DMD: variants seen among roughly 807,000 people sequenced by gnomAD.
The protein encoded by DMD is dystrophin.
Under a neutral mutation model 330.1 loss-of-function variants are expected in DMD, and 63 were observed. That is an observed-to-expected ratio of 0.19 (90% CI 0.16 to 0.24). DMD has a LOEUF of 0.24. Ranked by LOEUF, DMD falls within the 10% of genes least tolerant of loss-of-function variation. DMD has a pLI of 1.00. For missense variants in DMD, 3,344 were observed against 2,684.1 expected, an observed-to-expected ratio of 1.25 and a Z score of -5.43; for synonymous variants, 1,223 against 959.8, an observed-to-expected ratio of 1.27 and a Z score of -5.07.
Position 32,390,180 on chromosome X carries a change from T to A in DMD, c.4235A>T (p.Lys1412Ile). The A allele has an allele frequency of 8.5e-7, 1 of 1,176,904 alleles. No individual in the cohort carries two copies. Among genetic ancestry groups the A allele is most frequent in the Non-Finnish European group, 1.2e-6 (1 of 863,985 alleles). The change falls in exon 31 of 79, where the codon AAA (lysine) becomes ATA (isoleucine). Residue 1412 changes from lysine to isoleucine, a missense_variant and splice_region_variant. Lys to Ile is a moderately radical substitution (Grantham distance 102). Coordinates refer to ENST00000357033, the MANE Select transcript of DMD (RefSeq NM_004006.3). The part of the protein sequence containing the change: ...DAAQMPQEAQ[K>I]IQSDLTSHEI... ...ATGACTTGTCAAATCAGATTGGATTTTCTGTTGGGAGGATAGCATTATTAG... is the reference window on the plus strand; with the variant it reads ...ATGACTTGTCAAATCAGATTGGATTATCTGTTGGGAGGATAGCATTATTAG...
At chrX:31,288,339 G>A (rs1333679725) in intron 62 of DMD, among the ~76,000 whole-genome samples, 2 of 111,893 alleles carry the variant, frequency 1.8e-5, no homozygotes, top group Non-Finnish European at 3.8e-5. Context: ...CACCAGTTAA[G>A]TCTGTGGGAA....
At chrX:31,729,788 C>T (rs765117527) in intron 51 of DMD, 40 bp from the exon 52 acceptor site, 1 of 1,035,390 alleles carries the variant, frequency 9.7e-7, no homozygotes, top group East Asian at 3.0e-5. Context: ...GGTTCTTCAG[C>T]GTTGTGTATT....
At chrX:31,388,135 G>A (rs1438414898) in intron 60 of DMD, among the ~76,000 whole-genome samples, 1 of 108,677 alleles carries the variant, frequency 9.2e-6, no homozygotes, top group African/African-American at 3.4e-5. Context: ...GAGTAGCTGG[G>A]ACTACAGGTG....
At chrX:32,912,684 C>T (rs778944490) in intron 2 of DMD, among the ~76,000 whole-genome samples, 91 of 111,389 alleles carry the variant, frequency 8.2e-4, no homozygotes, top group Middle Eastern at 4.7e-3. Flanking sequence ...TCCAACTATA[C>T]GAAGTTCAAA....
intron 2 of DMD, among the ~76,000 whole-genome samples, chrX:32,857,777 T>C (rs778183214): frequency 2.7e-5 from 3 of 111,575 alleles, no homozygotes; most frequent in Non-Finnish European, 5.6e-5. Context: ...CAGGATCATA[T>C]AGCATCCAAG....
chrX:31,672,245 T>C (rs2081846398), intron 53 of DMD, among the ~76,000 whole-genome samples: 1 of 112,321 alleles, frequency 8.9e-6, no homozygotes. Flanking sequence ...TTGTACTCCA[T>C]TATGGTCATA....
chrX:32,816,636 T>C lies in DMD; in HGVS notation c.362A>G (p.Lys121Arg), dbSNP rs1438385000. 1 of 1,210,885 alleles carries C rather than the reference T, an allele frequency of 8.3e-7. No homozygotes were observed. Among genetic ancestry groups the C allele is most frequent in the Admixed American group, 2.2e-5 (1 of 46,018 alleles). Residue 121 changes from lysine (K) to arginine (R), a missense_variant, in exon 6 of 79, where the codon AAA becomes AGA. By Grantham distance (26) the Lys-to-Arg change is conservative (BLOSUM62 2). Coordinates refer to ENST00000357033, the MANE Select transcript of DMD (RefSeq NM_004006.3). ...IWNIILHWQV[K>R]NVMKNIMAGL... ...AGCCATGATATTTTTCATTACATTT[T>C]TGACCTACATGTGGAAATAAATTTT...
At chrX:31,228,267 TA>T (rs1367757647) in intron 63 of DMD, among the ~76,000 whole-genome samples, 8 of 39,583 alleles carry the variant, frequency 2.0e-4, no homozygotes, top group African/African-American at 1.3e-3. Flanking sequence ...AAAAAAAAAA[TA>T]AAAAAATAAA....
At chrX:32,210,008 G>C (rs988263956) in intron 44 of DMD, among the ~76,000 whole-genome samples, 10 of 111,628 alleles carry the variant, frequency 9.0e-5, no homozygotes, top group Non-Finnish European at 1.7e-4. Flanking sequence ...CTTCTGAAAA[G>C]ATGGATAGGG....
chrX:33,101,313 T>C (rs763251612), intron 1 of DMD, among the ~76,000 whole-genome samples: 4 of 112,160 alleles, frequency 3.6e-5, no homozygotes, highest in East Asian at 5.6e-4. Flanking sequence ...CTATTATCTA[T>C]ATTGATGAAT....
At chrX:31,565,174 A>G (rs769581881) in intron 55 of DMD, among the ~76,000 whole-genome samples, 13 of 111,908 alleles carry the variant, frequency 1.2e-4, no homozygotes, top group South Asian at 3.8e-4. Context: ...TTGCAAAAAT[A>G]TAGTACAATA....
At chrX:32,522,675 C>A (rs1157680057) in intron 17 of DMD, among the ~76,000 whole-genome samples, 1 of 112,193 alleles carries the variant, frequency 8.9e-6, no homozygotes. Context: ...GTATATTCTA[C>A]TTTGTCTTTT....
At chrX:32,585,486 G>A (rs924271357) in intron 13 of DMD, among the ~76,000 whole-genome samples, 1 of 109,336 alleles carries the variant, frequency 9.1e-6, no homozygotes, top group Non-Finnish European at 1.9e-5. Context: ...CGGATCACGA[G>A]GTCAGGAGAT....
upstream of DMD, among the ~76,000 whole-genome samples, chrX:33,212,045 A>G (rs2051939591): frequency 8.9e-6 from 1 of 112,287 alleles, no homozygotes. Flanking sequence ...TGATGATGCC[A>G]ACAGTCTGAA....
At chrX:32,406,624 GC>G (rs1312755415) in intron 30 of DMD, among the ~76,000 whole-genome samples, 1 of 111,113 alleles carries the variant, frequency 9.0e-6, no homozygotes, top group Non-Finnish European at 1.9e-5. Context: ...TGGTGCATAA[GC>G]TTTTTGATGT....
intron 9 of DMD, among the ~76,000 whole-genome samples, chrX:32,690,607 C>A (rs2063207502): frequency 9.0e-6 from 1 of 110,854 alleles, no homozygotes; most frequent in South Asian, 3.7e-4. Flanking sequence ...TACTAAACTA[C>A]AGTAATTAAA....
At chrX:31,312,067 C>T (rs776127666) in intron 62 of DMD, among the ~76,000 whole-genome samples, 7 of 112,214 alleles carry the variant, frequency 6.2e-5, no homozygotes, top group African/African-American at 1.6e-4. Flanking sequence ...ATGACAAAAA[C>T]GCCAAAAGCA....
intron 1 of DMD, among the ~76,000 whole-genome samples, chrX:33,054,256 G>A (rs904915185): frequency 4.5e-5 from 5 of 111,661 alleles, no homozygotes; most frequent in Non-Finnish European, 7.5e-5. Flanking sequence ...GGTTTATTAC[G>A]AATGTTTCTA....
intron 16 of DMD, among the ~76,000 whole-genome samples, chrX:32,552,262 A>T (rs1265354180): frequency 1.8e-5 from 2 of 111,787 alleles, no homozygotes; most frequent in Non-Finnish European, 3.8e-5. Flanking sequence ...GCATGGTACA[A>T]AAAACAGACA....
Sources: allele counts gnomAD v4.1 joint callset (sites outside exome capture counted in the v4.1 genomes callset), GRCh38; gene constraint gnomAD v4.1.1; transcripts MANE v1.5; gene names NCBI Gene and HGNC (gene_info 2026-07-23, HGNC 2026-07-21).